Variants in SCAPER observed in about 807,000 individuals in gnomAD.
SCAPER encodes S-phase cyclin A associated protein in the ER.
A neutral mutation model predicts 182.2 loss-of-function variants in SCAPER; 98 were observed. The ratio of observed to expected loss-of-function variants is 0.54; its 90% CI spans 0.46 to 0.64. The LOEUF (loss-of-function observed/expected upper bound fraction) is 0.64. Among genes scored for constraint, SCAPER ranks in the 30% least tolerant of loss-of-function variants. The pLI, the probability that SCAPER is intolerant of heterozygous loss-of-function variation, is 0.00. For synonymous variants in SCAPER, 605 were observed against 564.6 expected, an observed-to-expected ratio of 1.07 and a Z score of -1.01; for missense variants, 1,432 against 1,690.0, an observed-to-expected ratio of 0.85 and a Z score of 2.68.
At chr15:76,652,829 C>G (rs1301696159) in intron 21 of SCAPER, among the ~76,000 whole-genome samples, 1 of 151,892 alleles carries the variant, frequency 6.6e-6, no homozygotes, top group Non-Finnish European at 1.5e-5. Flanking sequence ...ACAAGGACTC[C>G]CACTCTCACC....
chr15:76,600,314 T>A (rs2049813519), intron 22 of SCAPER, among the ~76,000 whole-genome samples: 1 of 116,172 alleles, frequency 8.6e-6, no homozygotes, highest in African/African-American at 2.6e-5. Context: ...AAGGCAGAAA[T>A]CACTGAACAA....
chr15:76,635,979 C>T (rs2053560192), intron 21 of SCAPER, among the ~76,000 whole-genome samples: 1 of 152,124 alleles, frequency 6.6e-6, no homozygotes, highest in African/African-American at 2.4e-5. Context: ...AGGAATACTG[C>T]ACCTATATTC....
rs893470253 is a variant in SCAPER at position 76,534,826 on chromosome 15, T to A, written c.2839-29852A>T. ...ATAAGGTTAAATTCAATTATATTTA[T>A]AAATTACAAGGTTATAATATTGCTG... On this transcript the variant is annotated intron_variant, in intron 23 of 31. Coordinates refer to ENST00000563290, the MANE Select transcript of SCAPER (RefSeq NM_020843.4). Among the ~76,000 whole-genome samples the A allele has an allele frequency of 7.8e-4, 119 of 152,310 alleles. 1 individual carries two copies. The highest frequency in any genetic ancestry group is 7.2e-4 in the Admixed American group (11 of 15,296).
chr15:76,641,702 C>A (rs1278928391), intron 21 of SCAPER, among the ~76,000 whole-genome samples: 1 of 152,128 alleles, frequency 6.6e-6, no homozygotes, highest in Non-Finnish European at 1.5e-5. Context: ...AAAGGAGGCA[C>A]TGGGGGTCAA....
intron 5 of SCAPER, among the ~76,000 whole-genome samples, chr15:76,834,568 C>G (rs1446958187): frequency 6.6e-6 from 1 of 152,022 alleles, no homozygotes; most frequent in Non-Finnish European, 1.5e-5. Context: ...AAGAGCTGAA[C>G]TGAACAACAT....
intron 23 of SCAPER, among the ~76,000 whole-genome samples, chr15:76,532,721 A>G (rs886754245): frequency 1.3e-5 from 2 of 152,190 alleles, no homozygotes; most frequent in African/African-American, 4.8e-5. Context: ...GCATGCACAG[A>G]TAGGCAGAGG....
At position 76,686,688 on chromosome 15, in the gene SCAPER, T is replaced by C. The variant is rs150205884; in HGVS notation, c.2508+15070A>G. Among the ~76,000 whole-genome samples, 220 of 152,150 alleles carry C rather than the reference T, an allele frequency of 1.4e-3. 2 individuals carry two copies. The highest frequency in any genetic ancestry group is 4.8e-3 in the African/African-American group (199 of 41,544). On this transcript the variant is annotated intron_variant, in intron 20 of 31. Coordinates refer to ENST00000563290, the MANE Select transcript of SCAPER (RefSeq NM_020843.4). ...AAAAGGATAGTAAATAAATCGTGTA[T>C]AATCACAAAACAGTACAGCAACCAA...
chr15:76,444,442 A>G (rs2047850372), intron 25 of SCAPER, among the ~76,000 whole-genome samples: 1 of 152,148 alleles, frequency 6.6e-6, no homozygotes, highest in Admixed American at 6.5e-5. Context: ...GTTTTTCCAC[A>G]AGTTTTCCCT....
At chr15:76,552,439 G>C (rs2045856209) in intron 23 of SCAPER, among the ~76,000 whole-genome samples, 2 of 152,144 alleles carry the variant, frequency 1.3e-5, no homozygotes, top group African/African-American at 4.8e-5. Context: ...GGAGGATGTG[G>C]ACACTGGACT....
At chr15:76,877,527 C>T (rs995644658) in intron 2 of SCAPER, among the ~76,000 whole-genome samples, 5 of 152,170 alleles carry the variant, frequency 3.3e-5, no homozygotes, top group African/African-American at 1.2e-4. Context: ...AAGCTTGACA[C>T]TACATTACAT....
intron 23 of SCAPER, among the ~76,000 whole-genome samples, chr15:76,524,776 T>C (rs1334442742): frequency 6.8e-6 from 1 of 147,870 alleles, no homozygotes; most frequent in Admixed American, 7.0e-5. Context: ...GAAACAAGAA[T>C]TGAAAGTTAA....
At chr15:76,802,385 T>C (rs904538013) in intron 6 of SCAPER, among the ~76,000 whole-genome samples, 6 of 152,108 alleles carry the variant, frequency 3.9e-5, no homozygotes, top group Non-Finnish European at 8.8e-5. Flanking sequence ...AAGTCCCAAA[T>C]CAGCATGATG....
intron 23 of SCAPER, 97 bp from the exon 24 acceptor site, chr15:76,505,071 A>G: frequency 1.3e-6 from 1 of 789,664 alleles, no homozygotes; most frequent in Non-Finnish European, 2.1e-6. Context: ...TGGTTCAACT[A>G]TTCTACAAAT....
At chr15:76,675,320 T>C (rs945337417) in intron 20 of SCAPER, among the ~76,000 whole-genome samples, 2 of 152,214 alleles carry the variant, frequency 1.3e-5, no homozygotes, top group Non-Finnish European at 2.9e-5. Flanking sequence ...AATTAACACA[T>C]TTGTGCACTA....
chr15:76,614,085 T>A (rs186184443), intron 22 of SCAPER, among the ~76,000 whole-genome samples: 6 of 152,318 alleles, frequency 3.9e-5, no homozygotes, highest in South Asian at 2.1e-4. Context: ...AATGAGATCA[T>A]GTCCTGTGCA....
At chr15:76,628,335 A>C (rs1384266959) in intron 21 of SCAPER, among the ~76,000 whole-genome samples, 1 of 152,188 alleles carries the variant, frequency 6.6e-6, no homozygotes, top group Non-Finnish European at 1.5e-5. Flanking sequence ...TGGCAATTTC[A>C]TCATGAAATC....
At chr15:76,393,586 C>T (rs911496754) in intron 27 of SCAPER, among the ~76,000 whole-genome samples, 15 of 152,268 alleles carry the variant, frequency 9.9e-5, no homozygotes, top group Non-Finnish European at 1.8e-4. Context: ...TCAAGTATAA[C>T]CACAGCAACA....
At chr15:76,374,667 G>C (rs1322534250) in intron 29 of SCAPER, among the ~76,000 whole-genome samples, 1 of 151,698 alleles carries the variant, frequency 6.6e-6, no homozygotes, top group East Asian at 2.0e-4. Flanking sequence ...TTTTAGTAGA[G>C]ACGGGGTTTC....
intron 24 of SCAPER, among the ~76,000 whole-genome samples, chr15:76,472,527 G>A (rs1004001563): frequency 2.0e-4 from 30 of 152,182 alleles, no homozygotes; most frequent in African/African-American, 6.0e-4. Flanking sequence ...CACCATGCAC[G>A]GCTAATTTTT....
Sources: gnomAD v4.1 joint callset for allele counts (sites outside exome capture counted in the v4.1 genomes callset) on GRCh38, gnomAD v4.1.1 for gene constraint, MANE v1.5 for transcripts, NCBI Gene and HGNC (gene_info 2026-07-23, HGNC 2026-07-21) for gene names.